The following GABRA3 variants were observed in gnomAD, a reference collection of about 807,000 sequenced individuals.
GABRA3 encodes the protein gamma-aminobutyric acid receptor subunit alpha-3.
In GABRA3, 10 loss-of-function variants were observed where a neutral mutation model predicts 30.1. That is an observed-to-expected ratio of 0.33 (90% CI 0.20 to 0.56). The LOEUF (loss-of-function observed/expected upper bound fraction) is 0.56, where lower values mean the gene tolerates loss of function less well. Ranked by LOEUF, GABRA3 falls within the 20% of genes least tolerant of loss-of-function variation. The pLI is 0.89. For synonymous variants in GABRA3, 151 were observed against 146.8 expected, an observed-to-expected ratio of 1.03 and a Z score of -0.21; for missense variants, 233 against 392.0, an observed-to-expected ratio of 0.59 and a Z score of 3.42.
intron 4 of GABRA3, among the ~76,000 whole-genome samples, chrX:152,263,338 G>A (rs900336339): frequency 1.1e-4 from 12 of 110,782 alleles, no homozygotes; most frequent in African/African-American, 3.9e-4. Flanking sequence ...ATAACACACA[G>A]AGAAGGAATT....
At chrX:152,223,639 G>T (rs1937883691) in intron 6 of GABRA3, among the ~76,000 whole-genome samples, 1 of 107,523 alleles carries the variant, frequency 9.3e-6, no homozygotes, top group African/African-American at 3.4e-5. Flanking sequence ...TCTACTGAGA[G>T]CTCTATTTCC....
At chrX:152,325,220 A>T (rs1940034269) in intron 3 of GABRA3, among the ~76,000 whole-genome samples, 1 of 112,137 alleles carries the variant, frequency 8.9e-6, no homozygotes, top group Non-Finnish European at 1.9e-5. Context: ...AAAAGACTAC[A>T]TATGAAAACT....
chrX:152,339,260 C>T (rs1454930236), intron 3 of GABRA3, among the ~76,000 whole-genome samples: 1 of 108,876 alleles, frequency 9.2e-6, no homozygotes, highest in Non-Finnish European at 1.9e-5. Context: ...CGGAGTCTTG[C>T]TCTGTCGCCC....
At chrX:152,362,736 G>A (rs1928543455) in intron 2 of GABRA3, among the ~76,000 whole-genome samples, 1 of 111,718 alleles carries the variant, frequency 9.0e-6, no homozygotes, top group Non-Finnish European at 1.9e-5. Context: ...GTGGGAGGTA[G>A]AAATGACAAA....
intron 3 of GABRA3, among the ~76,000 whole-genome samples, chrX:152,290,107 G>T (rs1027497911): frequency 3.6e-5 from 4 of 110,490 alleles, no homozygotes; most frequent in Admixed American, 9.6e-5. Context: ...CTTTCACAAT[G>T]ATTGAACTAG....
At chrX:152,448,760 T>A (rs187506726) in intron 1 of GABRA3, among the ~76,000 whole-genome samples, 26 of 111,948 alleles carry the variant, frequency 2.3e-4, no homozygotes, top group African/African-American at 8.1e-4. Context: ...ATTTTCTTTA[T>A]GAAAATTCCT....
intron 7 of GABRA3, among the ~76,000 whole-genome samples, chrX:152,199,372 A>G (rs191883974): frequency 9.3e-6 from 1 of 108,021 alleles, no homozygotes; most frequent in Admixed American, 9.9e-5. Context: ...CTCAAAAAAA[A>G]AAAAATAAAA....
chrX:152,228,175 G>C (rs1484833512), intron 5 of GABRA3, among the ~76,000 whole-genome samples: 1 of 111,438 alleles, frequency 9.0e-6, no homozygotes, highest in Non-Finnish European at 1.9e-5. Context: ...GAAAAAACTT[G>C]AAGGGATATT....
chrX:152,436,802 A>G (rs1471960868), intron 1 of GABRA3, among the ~76,000 whole-genome samples: 1 of 112,004 alleles, frequency 8.9e-6, no homozygotes, highest in Non-Finnish European at 1.9e-5. Flanking sequence ...AAAACAAGAG[A>G]GAATTATTTT....
rs1220761949 is a variant in GABRA3, at chrX:152,241,257, G to A, written c.551+14521C>T. Among the ~76,000 whole-genome samples the A allele has an allele frequency of 2.8e-3, 267 of 96,531 alleles. 8 individuals are homozygous for A. Among genetic ancestry groups the A allele is most frequent in the Admixed American group, 0.023 (209 of 8,933 alleles). 83.8% of individuals were successfully genotyped at this position (96,531 alleles called of 115,157 possible). A position where few individuals can be genotyped will look rare whatever the true frequency, so the allele number is the denominator to read the frequency against. On this transcript the variant is annotated intron_variant, in intron 5 of 9. Coordinates refer to ENST00000370314, the MANE Select transcript of GABRA3 (RefSeq NM_000808.4). ...TGCAGGTCTGTTGGAATACCCTGCA[G>A]TGTGAGGTGTCAGTGTGCCCCTGCT...
intron 8 of GABRA3, among the ~76,000 whole-genome samples, chrX:152,191,706 C>T (rs774886780): frequency 9.1e-6 from 1 of 109,422 alleles, no homozygotes; most frequent in Non-Finnish European, 1.9e-5. Context: ...CTTGGTCTGC[C>T]GTAGTACCTT....
intron 1 of GABRA3, among the ~76,000 whole-genome samples, chrX:152,403,398 T>C (rs760062214): frequency 1.1e-5 from 1 of 94,754 alleles, no homozygotes; most frequent in South Asian, 5.1e-4. Flanking sequence ...TATAACAAAA[T>C]ATACACAAAA....
At chrX:152,170,797 G>A (rs1273159823) in intron 9 of GABRA3, among the ~76,000 whole-genome samples, 2 of 112,060 alleles carry the variant, frequency 1.8e-5, no homozygotes, top group Non-Finnish European at 3.8e-5. Context: ...AGTCATGGAC[G>A]GGAAGTGCGA....
At chrX:152,352,731 C>T (rs1940497093) in intron 2 of GABRA3, among the ~76,000 whole-genome samples, 1 of 111,569 alleles carries the variant, frequency 9.0e-6, no homozygotes, top group Non-Finnish European at 1.9e-5. Context: ...TATGTCTCTG[C>T]ATCGCTCACA....
chrX:152,400,900 A>G (rs1330047161), intron 1 of GABRA3, among the ~76,000 whole-genome samples: 1 of 111,588 alleles, frequency 9.0e-6, no homozygotes, highest in Admixed American at 9.5e-5. Context: ...GAGCTGATAA[A>G]GAAAACTCTG....
At chrX:152,325,906 G>A (rs969331800) in intron 3 of GABRA3, among the ~76,000 whole-genome samples, 3 of 111,249 alleles carry the variant, frequency 2.7e-5, no homozygotes, top group African/African-American at 6.5e-5. Flanking sequence ...CAACCTCTCC[G>A]AGCTAAAGGA....
At chrX:152,429,099 G>A (rs1039041741) in intron 1 of GABRA3, among the ~76,000 whole-genome samples, 1 of 111,283 alleles carries the variant, frequency 9.0e-6, no homozygotes, top group Non-Finnish European at 1.9e-5. Context: ...AGGTAAGAAC[G>A]ATATCTGAGT....
At chrX:152,325,557 C>A (rs1337481669) in intron 3 of GABRA3, among the ~76,000 whole-genome samples, 1 of 112,021 alleles carries the variant, frequency 8.9e-6, no homozygotes, top group Admixed American at 9.5e-5. Flanking sequence ...TGTTCTGCAG[C>A]CTCTGCTGGT....
At chrX:152,212,399 T>C (rs912714176) in intron 6 of GABRA3, among the ~76,000 whole-genome samples, 3 of 98,784 alleles carry the variant, frequency 3.0e-5, no homozygotes, top group African/African-American at 7.6e-5. Context: ...TATTATATAG[T>C]CCCCAGAAGA....
Sources: allele counts gnomAD v4.1 joint callset (sites outside exome capture counted in the v4.1 genomes callset), GRCh38; gene constraint gnomAD v4.1.1; transcripts MANE v1.5; gene names NCBI Gene and HGNC (gene_info 2026-07-23, HGNC 2026-07-21).